PLAG1: variants seen among roughly 807,000 people sequenced by gnomAD.
PLAG1 encodes the protein zinc finger protein PLAG1.
Under a neutral mutation model 35.5 loss-of-function variants are expected in PLAG1, and 7 were observed. The ratio of observed to expected loss-of-function variants is 0.20; its 90% CI spans 0.11 to 0.37. The LOEUF (loss-of-function observed/expected upper bound fraction) is 0.37, where lower values mean the gene tolerates loss of function less well. Ranked by LOEUF, PLAG1 falls within the 10% of genes least tolerant of loss-of-function variation. The pLI is 1.00. For missense variants in PLAG1, 454 were observed against 602.8 expected, an observed-to-expected ratio of 0.75 and a Z score of 2.58; for synonymous variants, 229 against 225.4, an observed-to-expected ratio of 1.02 and a Z score of -0.14.
intron 1 of PLAG1, among the ~76,000 whole-genome samples, chr8:56,206,855 C>A (rs772702298): frequency 2.6e-5 from 4 of 151,896 alleles, no homozygotes; most frequent in African/African-American, 7.2e-5. Flanking sequence ...TGATTTATAG[C>A]CCTTTTACCT....
chr8:56,172,247 C>A (rs995242099), intron 2 of PLAG1, among the ~76,000 whole-genome samples: 4 of 152,092 alleles, frequency 2.6e-5, no homozygotes, highest in African/African-American at 9.7e-5. Flanking sequence ...TAATAGAAGG[C>A]ATTCAAGCAT....
chr8:56,200,083 C>G (rs895990016), intron 1 of PLAG1, among the ~76,000 whole-genome samples: 2 of 152,136 alleles, frequency 1.3e-5, no homozygotes, highest in Non-Finnish European at 2.9e-5. Context: ...CCCTGACACC[C>G]TGACACTCAA....
At chr8:56,189,958 C>T (rs1018816700) in intron 1 of PLAG1, among the ~76,000 whole-genome samples, 29 of 152,264 alleles carry the variant, frequency 1.9e-4, no homozygotes, top group African/African-American at 7.0e-4. Context: ...AGAGCCACTG[C>T]TTTAACAAGT....
At chr8:56,188,681 C>T (rs1051817034) in intron 1 of PLAG1, among the ~76,000 whole-genome samples, 10 of 152,148 alleles carry the variant, frequency 6.6e-5, no homozygotes, top group Non-Finnish European at 1.2e-4. Flanking sequence ...CTCATGTATC[C>T]ACCTGTGCAA....
chr8:56,175,765 G>A lies in PLAG1; in HGVS notation c.-217+3644C>T, dbSNP rs544267650. 4.6e-5 allele frequency among the ~76,000 whole-genome samples: 7 copies of A among 152,184 alleles called. No individual in the cohort carries two copies. The East Asian group carries it at 1.4e-3, about 29-fold the overall frequency. On this transcript the variant is annotated intron_variant, in intron 2 of 4. Coordinates refer to ENST00000316981, the MANE Select transcript of PLAG1 (RefSeq NM_002655.3). ...GAGGGGAAAAATGGCATAACTTTTT[G>A]TCTGTAAGAACCAACAGGAAAAAGT...
Position 56,165,568 on chromosome 8 carries a change from A to C in PLAG1, c.*675T>G, listed in dbSNP as rs1242196904. On this transcript the variant is annotated 3_prime_UTR_variant, in exon 5 of 5. Coordinates refer to ENST00000316981, the MANE Select transcript of PLAG1 (RefSeq NM_002655.3). ...CAACTATTAAGTGACACGAAATGCCATGTCACCTAACAGAGTCTCTTTTTG... is the reference window on the plus strand; with the variant it reads ...CAACTATTAAGTGACACGAAATGCCCTGTCACCTAACAGAGTCTCTTTTTG... 9.7e-6 allele frequency: 2 copies of C among 205,558 alleles called. No individual in the cohort carries two copies. The highest frequency in any genetic ancestry group is 2.0e-5 in the Non-Finnish European group (2 of 100,558). The allele number at this position is 205,558 out of a possible 1,614,324, so 12.7% of individuals were successfully genotyped here.
chr8:56,201,805 T>C (rs1002426465), intron 1 of PLAG1, among the ~76,000 whole-genome samples: 1 of 152,168 alleles, frequency 6.6e-6, no homozygotes, highest in African/African-American at 2.4e-5. Context: ...CAAAGACTGA[T>C]AGGTAGCCAA....
chr8:56,184,789 C>T (rs138510099), intron 1 of PLAG1, among the ~76,000 whole-genome samples: 3 of 151,948 alleles, frequency 2.0e-5, no homozygotes, highest in African/African-American at 7.3e-5. Flanking sequence ...TGGTGGCAGG[C>T]GCCTGTAATC....
intron 2 of PLAG1, among the ~76,000 whole-genome samples, chr8:56,177,605 T>C (rs956473863): frequency 3.3e-5 from 5 of 152,128 alleles, no homozygotes; most frequent in Admixed American, 1.3e-4. Flanking sequence ...CGACAGTAAA[T>C]TCATCTGCAG....
chr8:56,192,876 T>A (rs924643393), intron 1 of PLAG1, among the ~76,000 whole-genome samples: 1 of 152,006 alleles, frequency 6.6e-6, no homozygotes, highest in Non-Finnish European at 1.5e-5. Flanking sequence ...GGGGAAACAC[T>A]ACAGGACAGA....
In PLAG1 at chr8:56,163,675, A is replaced by G. The variant is rs541395297; in HGVS notation, c.*2568T>C. 3.4e-4 allele frequency: 61 copies of G among 180,040 alleles called. No individual in the cohort carries two copies. Among genetic ancestry groups the G allele is most frequent in the African/African-American group, 1.3e-3 (50 of 38,696 alleles). 11.2% of individuals were successfully genotyped at this position (180,040 alleles called of 1,614,324 possible). On this transcript the variant is annotated 3_prime_UTR_variant, in exon 5 of 5. Transcript: ENST00000316981. Reference sequence around the variant, plus strand: ...GATTTAAGTATGTGTGTGTGTGTGTATATATACACACACACACACACACAT... The same window carrying G: ...GATTTAAGTATGTGTGTGTGTGTGTGTATATACACACACACACACACACAT...
intron 1 of PLAG1, among the ~76,000 whole-genome samples, chr8:56,184,635 C>G (rs1013470693): frequency 6.6e-6 from 1 of 152,180 alleles, no homozygotes; most frequent in African/African-American, 2.4e-5. Context: ...CACGGTAGCT[C>G]ATGTCTGTAA....
chr8:56,176,300 G>A (rs1811693397), intron 2 of PLAG1, among the ~76,000 whole-genome samples: 1 of 149,386 alleles, frequency 6.7e-6, no homozygotes, highest in Non-Finnish European at 1.5e-5. Flanking sequence ...TGATCCACCC[G>A]TCTTGGCCTC....
At chr8:56,205,583 T>A (rs1297623745) in intron 1 of PLAG1, among the ~76,000 whole-genome samples, 1 of 151,968 alleles carries the variant, frequency 6.6e-6, no homozygotes, top group African/African-American at 2.4e-5. Context: ...GATGAATTTT[T>A]AATTTACCAC....
chr8:56,192,850 G>A (rs1019408060), intron 1 of PLAG1, among the ~76,000 whole-genome samples: 7 of 152,036 alleles, frequency 4.6e-5, no homozygotes, highest in African/African-American at 7.3e-5. Context: ...GATGCAATCC[G>A]CAGAACTCAG....
At chr8:56,196,050 C>A (rs868680699) in intron 1 of PLAG1, among the ~76,000 whole-genome samples, 1 of 152,150 alleles carries the variant, frequency 6.6e-6, no homozygotes, top group Non-Finnish European at 1.5e-5. Flanking sequence ...TTGGGGAGCA[C>A]AGAAGTGCCA....
Position 56,165,437 on chromosome 8 carries a change from G to A in PLAG1, c.*806C>T, listed in dbSNP as rs1339018939. 5 of 216,086 alleles carry A rather than the reference G, an allele frequency of 2.3e-5. No homozygotes were observed. Among genetic ancestry groups the A allele is most frequent in the Non-Finnish European group, 3.7e-5 (4 of 107,234 alleles). The allele number at this position is 216,086 out of a possible 1,614,324, so 13.4% of individuals were successfully genotyped here. A position where few individuals can be genotyped will look rare whatever the true frequency, so the allele number is the denominator to read the frequency against. On this transcript the variant is annotated 3_prime_UTR_variant, in exon 5 of 5. Coordinates refer to ENST00000316981, the MANE Select transcript of PLAG1 (RefSeq NM_002655.3). ...GACTAAAGAGATCTACCTATATATCGACTCTGAAGACCCCAATGCCATACA... is the reference window on the plus strand; with the variant it reads ...GACTAAAGAGATCTACCTATATATCAACTCTGAAGACCCCAATGCCATACA...
intron 1 of PLAG1, among the ~76,000 whole-genome samples, chr8:56,190,743 AG>A (rs1009784274): frequency 6.6e-6 from 1 of 152,064 alleles, no homozygotes; most frequent in African/African-American, 2.4e-5. Context: ...AATGAATTAG[AG>A]GGGGCAGTAC....
intron 1 of PLAG1, among the ~76,000 whole-genome samples, chr8:56,191,254 A>G (rs761047584): frequency 2.6e-5 from 4 of 152,186 alleles, no homozygotes; most frequent in Non-Finnish European, 5.9e-5. Context: ...AGAACATTCT[A>G]GAGCACTAGC....
Sources: allele counts gnomAD v4.1 joint callset (sites outside exome capture counted in the v4.1 genomes callset), GRCh38; gene constraint gnomAD v4.1.1; transcripts MANE v1.5; gene names NCBI Gene and HGNC (gene_info 2026-07-23, HGNC 2026-07-21).